Variants in EPHB1 observed in about 807,000 individuals in gnomAD.
EPHB1 encodes the protein ephrin type-B receptor 1.
A neutral mutation model predicts 94.4 loss-of-function variants in EPHB1; 30 were observed. That is an observed-to-expected ratio of 0.32 (90% CI 0.24 to 0.43). EPHB1 has a LOEUF of 0.43. Among genes scored for constraint, EPHB1 ranks in the 20% least tolerant of loss-of-function variants. The probability of loss-of-function intolerance (pLI) is 1.00; values close to 1 mark genes in which losing one functional copy is unlikely to be tolerated. For synonymous variants in EPHB1, 522 were observed against 489.1 expected (o/e 1.07, Z -0.89); for missense variants, 1,055 against 1,308.3 (o/e 0.81, Z 2.99).
At chr3:135,212,863 G>A (rs939674976) in intron 12 of EPHB1, among the ~76,000 whole-genome samples, 1 of 151,994 alleles carries the variant, frequency 6.6e-6, no homozygotes, top group African/African-American at 2.4e-5. Flanking sequence ...TTCCTTTGTT[G>A]TTTGCTAGAG....
chr3:134,888,692 G>T (rs1192068030), intron 1 of EPHB1, among the ~76,000 whole-genome samples: 1 of 140,432 alleles, frequency 7.1e-6, no homozygotes, highest in Non-Finnish European at 1.5e-5. Flanking sequence ...TGGCGACAGA[G>T]TGAGACTCCA....
intron 1 of EPHB1, among the ~76,000 whole-genome samples, chr3:134,884,807 C>T (rs1006115039): frequency 6.6e-6 from 1 of 152,214 alleles, no homozygotes; most frequent in African/African-American, 2.4e-5. Context: ...ACAAGGGAGG[C>T]ACCAAACTGA....
At chr3:134,914,965 A>G (rs1178231399) in intron 1 of EPHB1, among the ~76,000 whole-genome samples, 2 of 152,108 alleles carry the variant, frequency 1.3e-5, no homozygotes, top group Non-Finnish European at 2.9e-5. Flanking sequence ...TGCCCAGGAC[A>G]GGGAAGAGAA....
At chr3:134,795,807 A>G (rs2035813142) in intron 1 of EPHB1, 118 bp downstream of exon 1, 1 of 1,155,502 alleles carries the variant, frequency 8.7e-7, no homozygotes, top group Non-Finnish European at 1.3e-6. Context: ...CCGGGACCCG[A>G]GGGCAAGGAG....
chr3:135,188,724 C>T (rs970044385), intron 10 of EPHB1, among the ~76,000 whole-genome samples: 18 of 152,278 alleles, frequency 1.2e-4, no homozygotes, highest in Admixed American at 7.2e-4. Context: ...GAGCTTCTTC[C>T]TCCACTCACT....
chr3:135,027,209 C>T (rs1165252668), intron 3 of EPHB1, among the ~76,000 whole-genome samples: 1 of 151,876 alleles, frequency 6.6e-6, no homozygotes, highest in African/African-American at 2.4e-5. Context: ...CCTTTATTTC[C>T]TTCTCCTGCC....
intron 14 of EPHB1, among the ~76,000 whole-genome samples, chr3:135,248,825 A>C (rs1007906684): frequency 1.3e-5 from 2 of 152,070 alleles, no homozygotes; most frequent in Admixed American, 1.3e-4. Context: ...AGATGTCAAG[A>C]TAGCACCCGG....
chr3:134,880,170 A>G (rs1487498958), intron 1 of EPHB1, among the ~76,000 whole-genome samples: 1 of 152,224 alleles, frequency 6.6e-6, no homozygotes, highest in Non-Finnish European at 1.5e-5. Context: ...AACATTACCC[A>G]TGGAGCAAAA....
At chr3:134,947,571 C>T (rs2039237742) in intron 2 of EPHB1, among the ~76,000 whole-genome samples, 2 of 152,166 alleles carry the variant, frequency 1.3e-5, no homozygotes, top group South Asian at 4.1e-4. Flanking sequence ...TTGATCACTC[C>T]CTTAGGAGCT....
rs202048188 is a variant in EPHB1 at position 135,154,262 on chromosome 3, C to T, written c.1408C>T (p.Arg470Trp). 1.5e-4 allele frequency: 248 copies of T among 1,613,804 alleles called. No individual in the cohort carries two copies. Among genetic ancestry groups the T allele is most frequent in the Non-Finnish European group, 1.2e-4 (139 of 1,179,850 alleles). The change falls in exon 6 of 16, where the codon CGG (arginine) becomes TGG (tryptophan). Residue 470 changes from arginine to tryptophan, a missense_variant. Transcript: ENST00000398015. ...PNGIILDYEI[R>W]YYEKEHNEFN... ...TGGCATCATCCTGGACTATGAGATC[C>T]GGTACTATGAGAAGGTGAGCCAGCT...
At chr3:134,935,992 A>G (rs1031451857) in intron 2 of EPHB1, among the ~76,000 whole-genome samples, 1 of 152,158 alleles carries the variant, frequency 6.6e-6, no homozygotes. Context: ...GCTATTATCC[A>G]AAGTTCCAGG....
intron 6 of EPHB1, among the ~76,000 whole-genome samples, chr3:135,160,460 A>G (rs1490608054): frequency 6.6e-6 from 1 of 152,210 alleles, no homozygotes; most frequent in African/African-American, 2.4e-5. Flanking sequence ...TTTGTAAAGC[A>G]TGCTTCTTGA....
intron 3 of EPHB1, among the ~76,000 whole-genome samples, chr3:135,020,696 A>G (rs1935960121): frequency 1.3e-5 from 2 of 152,130 alleles, no homozygotes; most frequent in Admixed American, 1.3e-4. Context: ...TACCCCTCCT[A>G]TTCTCCGAGG....
At chr3:134,836,445 C>G (rs2036674918) in intron 1 of EPHB1, among the ~76,000 whole-genome samples, 1 of 152,074 alleles carries the variant, frequency 6.6e-6, no homozygotes, top group African/African-American at 2.4e-5. Flanking sequence ...TGTATTAACG[C>G]AAATTGAAGC....
At chr3:135,151,602 T>C (rs181884019) in intron 5 of EPHB1, among the ~76,000 whole-genome samples, 23 of 152,310 alleles carry the variant, frequency 1.5e-4, no homozygotes, top group African/African-American at 5.3e-4. Flanking sequence ...CTATGAGGGC[T>C]AGAAATTTTA....
intron 1 of EPHB1, among the ~76,000 whole-genome samples, chr3:134,812,474 C>T (rs2036195967): frequency 6.6e-6 from 1 of 152,184 alleles, no homozygotes; most frequent in Non-Finnish European, 1.5e-5. Flanking sequence ...AGTAGCATTC[C>T]ATTGCATAGA....
chr3:135,107,924 C>G (rs1185041915), intron 4 of EPHB1, among the ~76,000 whole-genome samples: 3 of 152,152 alleles, frequency 2.0e-5, no homozygotes. Flanking sequence ...TGTGCTATCT[C>G]CTCCACTGAT....
At position 135,201,618 on chromosome 3, in the gene EPHB1, A is replaced by C. The variant is rs1211546593; in HGVS notation, c.2275A>C (p.Lys759Gln). Residue 759 changes from lysine to glutamine, a missense_variant, in exon 12 of 16, where the codon AAG becomes CAG. Coordinates refer to ENST00000398015, the MANE Select transcript of EPHB1 (RefSeq NM_004441.5). ...NILVNSNLVCKVSDFGLSRYL... is the reference protein window; with the variant it reads ...NILVNSNLVCQVSDFGLSRYL... ...TCTGGTCAACAGTAACCTGGTGTGC[A>C]AGGTGTCCGACTTTGGCCTCTCCCG... The C allele has an allele frequency of 1.2e-6, 2 of 1,613,978 alleles. No individual in the cohort carries two copies. The highest frequency in any genetic ancestry group is 3.3e-5 in the Admixed American group (2 of 59,998).
intron 3 of EPHB1, among the ~76,000 whole-genome samples, chr3:135,084,717 C>T (rs1241116588): frequency 6.6e-6 from 1 of 152,158 alleles, no homozygotes; most frequent in African/African-American, 2.4e-5. Context: ...CTCCACGGTC[C>T]TTCTATTGTG....
Sources: gnomAD v4.1 joint callset for allele counts (sites outside exome capture counted in the v4.1 genomes callset) on GRCh38, gnomAD v4.1.1 for gene constraint, MANE v1.5 for transcripts, NCBI Gene and HGNC (gene_info 2026-07-23, HGNC 2026-07-21) for gene names.